The following HRH2 variants were observed in gnomAD, a reference collection of about 807,000 sequenced individuals.
HRH2 encodes histamine receptor H2.
Under a neutral mutation model 20.1 loss-of-function variants are expected in HRH2, and 4 were observed. The observed-to-expected ratio is 0.20, with a 90% CI of 0.10 to 0.45. The LOEUF (loss-of-function observed/expected upper bound fraction) is 0.45. Ranked by LOEUF, HRH2 falls within the 20% of genes least tolerant of loss-of-function variation. HRH2 has a pLI of 0.99. For missense variants in HRH2, 250 were observed against 461.6 expected, an observed-to-expected ratio of 0.54 and a Z score of 4.20; for synonymous variants, 197 against 200.7, an observed-to-expected ratio of 0.98 and a Z score of 0.16.
intron 1 of HRH2, among the ~76,000 whole-genome samples, chr5:175,672,998 G>A (rs1263467676): frequency 6.6e-6 from 1 of 152,068 alleles, no homozygotes; most frequent in Non-Finnish European, 1.5e-5. Flanking sequence ...GAGGCCTCGG[G>A]TGGTAAAAGA....
intron 1 of HRH2, among the ~76,000 whole-genome samples, chr5:175,666,725 C>T (rs949741426): frequency 4.2e-4 from 64 of 152,270 alleles, no homozygotes; most frequent in Admixed American, 5.2e-4. Context: ...CCACTGCGCC[C>T]GGCCTCCAGA....
intron 1 of HRH2, among the ~76,000 whole-genome samples, chr5:175,672,596 T>C (rs1169515675): frequency 6.6e-6 from 1 of 152,194 alleles, no homozygotes; most frequent in African/African-American, 2.4e-5. Context: ...AAATGGGATA[T>C]GATATTGTTA....
chr5:175,666,775 G>A (rs1031026227), intron 1 of HRH2, among the ~76,000 whole-genome samples: 1 of 152,032 alleles, frequency 6.6e-6, no homozygotes, highest in African/African-American at 2.4e-5. Flanking sequence ...AATATCCACA[G>A]AGCTCATTTG....
chr5:175,697,062 C>G (rs2113550018), intron 2 of HRH2, among the ~76,000 whole-genome samples: 1 of 152,294 alleles, frequency 6.6e-6, no homozygotes, highest in Admixed American at 6.5e-5. Flanking sequence ...TCTGTTAAGT[C>G]CCCCGCTGGC....
At chr5:175,703,864 T>C (rs1756862424) in intron 2 of HRH2, 1 of 152,138 alleles carries the variant, frequency 6.6e-6, no homozygotes, top group Non-Finnish European at 1.5e-5. Flanking sequence ...AAAACCTGAA[T>C]TGCCATATAA....
chr5:175,677,031 G>T lies in HRH2; in HGVS notation c.-525-5678G>T, dbSNP rs994123496. Among the ~76,000 whole-genome samples, 4 of 151,970 alleles carry T rather than the reference G, an allele frequency of 2.6e-5. No individual in the cohort carries two copies. Among genetic ancestry groups the T allele is most frequent in the Admixed American group, 6.6e-5 (1 of 15,256 alleles). ...CTTTTTTGAGGCAGGTTCTCACTCA[G>T]TTGCCCAGGCTGGAGTGCAGTGGCA... On this transcript the variant is annotated intron_variant, in intron 1 of 2. Transcript: ENST00000636584. The surrounding 1 kb of genome is among the most constrained non-coding windows in gnomAD (Gnocchi z 4.2).
rs1756192712 is a variant in HRH2, at chr5:175,686,950, C to G, written c.1076+2641C>G. On this transcript the variant is annotated intron_variant, in intron 2 of 2. Transcript: ENST00000636584. The surrounding 1 kb of genome is among the most constrained non-coding windows in gnomAD (Gnocchi z 4.7). ...AGGGTATGAGTGTCCATCTCCTGCT[C>G]TGATCCTCGTGGGCACCCTGGGTGG... Among the ~76,000 whole-genome samples, 1 of 152,226 alleles carries G rather than the reference C, an allele frequency of 6.6e-6. No individual in the cohort carries two copies. The highest frequency in any genetic ancestry group is 1.5e-5 in the Non-Finnish European group (1 of 68,026).
Position 175,693,977 on chromosome 5 carries a change from T to C in HRH2, c.1076+9668T>C, listed in dbSNP as rs1165269825. Reference sequence around the variant, plus strand: ...GTTGCCAGAGCTCTGAAGGCTGACCTCCCCAATTTGCTGGCTGGCTGACCT... The same window carrying C: ...GTTGCCAGAGCTCTGAAGGCTGACCCCCCCAATTTGCTGGCTGGCTGACCT... On this transcript the variant is annotated intron_variant, in intron 2 of 2. Transcript: ENST00000636584. The surrounding 1 kb of genome is among the most constrained non-coding windows in gnomAD (Gnocchi z 4.4). 6.6e-6 allele frequency among the ~76,000 whole-genome samples: 1 copy of C among 152,172 alleles called. No individual in the cohort carries two copies. Among genetic ancestry groups the C allele is most frequent in the African/African-American group, 2.4e-5 (1 of 41,446 alleles).
intron 1 of HRH2, among the ~76,000 whole-genome samples, chr5:175,676,342 G>C (rs774810354): frequency 8.5e-5 from 13 of 152,240 alleles, no homozygotes; most frequent in Non-Finnish European, 1.8e-4. Flanking sequence ...CACACACACA[G>C]AGCTGTTGCT....
intron 2 of HRH2, chr5:175,704,009 A>T (rs1449092403): frequency 6.6e-6 from 1 of 152,182 alleles, no homozygotes; most frequent in Non-Finnish European, 1.5e-5. Flanking sequence ...TTTTAAAAAT[A>T]AATACATAAT....
At chr5:175,682,544 T>C (rs1394643035) in intron 1 of HRH2, among the ~76,000 whole-genome samples, 165 bp from the exon 2 acceptor site, 1 of 152,124 alleles carries the variant, frequency 6.6e-6, no homozygotes, top group Admixed American at 6.5e-5. Flanking sequence ...CCCCAGTATG[T>C]ATCCTGATTG....
chr5:175,673,292 T>G (rs141626344), intron 1 of HRH2, among the ~76,000 whole-genome samples: 1 of 152,060 alleles, frequency 6.6e-6, no homozygotes, highest in African/African-American at 2.4e-5. Flanking sequence ...GGTTTGCTGA[T>G]GGGTTGGATG....
chr5:175,703,595 A>T (rs1357250799), intron 2 of HRH2, among the ~76,000 whole-genome samples: 1 of 152,194 alleles, frequency 6.6e-6, no homozygotes, highest in Non-Finnish European at 1.5e-5. Flanking sequence ...GAAACAGAAG[A>T]CAAAGATTTA....
chr5:175,674,926 G>A (rs1341379211), intron 1 of HRH2, among the ~76,000 whole-genome samples: 3 of 152,250 alleles, frequency 2.0e-5, no homozygotes, highest in Non-Finnish European at 4.4e-5. Context: ...AAGGGCGGAA[G>A]TGTCTTGTGC....
intron 2 of HRH2, 71 bp from the exon 3 acceptor site, chr5:175,707,708 A>G: frequency 6.9e-6 from 1 of 145,574 alleles, no homozygotes; most frequent in Non-Finnish European, 1.4e-5. Context: ...CAAAATTGAG[A>G]GGCTAAACCT....
chr5:175,683,452 C>T lies in HRH2; in HGVS notation c.219C>T (p.Pro73=), dbSNP rs1252296812. The T allele has an allele frequency of 5.0e-6, 8 of 1,614,224 alleles. No individual in the cohort carries two copies. Among genetic ancestry groups the T allele is most frequent in the Non-Finnish European group, 5.9e-6 (7 of 1,180,052 alleles). The change falls in exon 2 of 3, where the codon CCC becomes CCT. Residue 73 remains proline, a synonymous_variant. Transcript: ENST00000636584. Reference sequence around the variant, plus strand: ...TGCTCCTCGGCCTCCTGGTGCTGCCCTTCTCTGCCATCTACCAGCTGTCCT... The same window carrying T: ...TGCTCCTCGGCCTCCTGGTGCTGCCTTTCTCTGCCATCTACCAGCTGTCCT... ...TDLLLGLLVL[P]FSAIYQLSCK...
chr5:175,664,276 A>G (rs1174036384), intron 1 of HRH2, among the ~76,000 whole-genome samples: 4 of 152,206 alleles, frequency 2.6e-5, no homozygotes. Context: ...CATGAGGGCC[A>G]TTCATTCACA....
rs555044270 is a variant in HRH2, at chr5:175,672,717, G to A, written c.-525-9992G>A. On this transcript the variant is annotated intron_variant, in intron 1 of 2. Coordinates refer to ENST00000636584, the MANE Select transcript of HRH2 (RefSeq NM_001367711.1). ...TCCTGGACCCTGGATCCTGACCCTC[G>A]CCAAGCTCTCATTCCAGTGGGGAGA... Among the ~76,000 whole-genome samples the A allele has an allele frequency of 5.9e-5, 9 of 152,272 alleles. No homozygotes were observed. The East Asian group carries it at 9.7e-4, about 16-fold the overall frequency.
At chr5:175,678,125 G>A (rs1306597834) in intron 1 of HRH2, among the ~76,000 whole-genome samples, 1 of 152,156 alleles carries the variant, frequency 6.6e-6, no homozygotes, top group African/African-American at 2.4e-5. Flanking sequence ...TCTTAGCACG[G>A]CTGCCATAAA....
Sources: allele counts gnomAD v4.1 joint callset (sites outside exome capture counted in the v4.1 genomes callset), GRCh38; gene constraint gnomAD v4.1.1; non-coding constraint Gnocchi (gnomAD v3.1); transcripts MANE v1.5; gene names NCBI Gene and HGNC (gene_info 2026-07-23, HGNC 2026-07-21).